Variants in HERC3 observed in about 807,000 individuals in gnomAD.
The protein encoded by HERC3 is probable E3 ubiquitin-protein ligase HERC3.
HERC3 carries 58 observed loss-of-function variants against 129.9 expected under a neutral mutation model. That is an observed-to-expected ratio of 0.45 (90% CI 0.36 to 0.56). The LOEUF is 0.56. HERC3 is among the 20% of genes least tolerant of loss of function. The probability of loss-of-function intolerance (pLI) is 0.00; values close to 1 mark genes in which losing one functional copy is unlikely to be tolerated. For missense variants in HERC3, 835 were observed against 1,244.2 expected (o/e 0.67, Z 4.95); for synonymous variants, 430 against 451.0 (o/e 0.95, Z 0.59).
intron 23 of HERC3, chr4:88,693,206 A>C (rs1483195208): frequency 2.0e-6 from 2 of 979,856 alleles, no homozygotes; most frequent in African/African-American, 1.8e-5. Context: ...CTTCCCCCCC[A>C]CCACCATTTT....
At chr4:88,581,410 G>T in the HERC3 span, among the ~76,000 whole-genome samples, 5,047 of 151,618 alleles carry the variant, frequency 0.033, 277 homozygotes, top group East Asian at 0.27. Context: ...TGATTCTCCT[G>T]CCTCAGCCTC....
At chr4:88,611,238 G>A (rs1395962859) in intron 3 of HERC3, among the ~76,000 whole-genome samples, 1 of 152,170 alleles carries the variant, frequency 6.6e-6, no homozygotes, top group Admixed American at 6.5e-5. Flanking sequence ...TAACTTTTTC[G>A]TTGGTAGGTG....
intron 2 of HERC3, among the ~76,000 whole-genome samples, chr4:88,595,841 CTTTTTTTTTTTTT>C (rs532515500): frequency 0.015 from 1,222 of 80,334 alleles, 30 homozygotes; most frequent in African/African-American, 0.055. Context: ...GCACTTAATT[CTTTTTTTTTTTTT>C]TTTTTTTTTT....
chr4:88,604,309 A>G (rs746075305), intron 2 of HERC3, among the ~76,000 whole-genome samples: 7 of 152,212 alleles, frequency 4.6e-5, no homozygotes, highest in Non-Finnish European at 1.0e-4. Flanking sequence ...ATGAGCCACT[A>G]CGCCTGGCCT....
chr4:88,670,714 T>A (rs531711752), intron 16 of HERC3, among the ~76,000 whole-genome samples: 9 of 152,266 alleles, frequency 5.9e-5, no homozygotes, highest in African/African-American at 2.2e-4. Context: ...TGTTAGGTTT[T>A]TTTTTAAACC....
the HERC3 span, among the ~76,000 whole-genome samples, chr4:88,572,673 G>A: frequency 1.3e-5 from 2 of 151,870 alleles, no homozygotes. Context: ...GCCAGGTGTG[G>A]TGGCATGCAC....
chr4:88,664,054 T>C, intron 11 of HERC3, 99 bp from the exon 12 acceptor site: 1 of 960,452 alleles, frequency 1.0e-6, no homozygotes, highest in Non-Finnish European at 1.5e-6. Context: ...CTGCTATTAA[T>C]GAAATCCTTG....
At chr4:88,700,509 A>G (rs1456617488) in intron 23 of HERC3, among the ~76,000 whole-genome samples, 3 of 152,150 alleles carry the variant, frequency 2.0e-5, no homozygotes, top group Non-Finnish European at 2.9e-5. Flanking sequence ...ATTTCTACCA[A>G]TAGTCCCTTA....
At chr4:88,695,250 A>G (rs1734484128) in intron 23 of HERC3, among the ~76,000 whole-genome samples, 1 of 152,184 alleles carries the variant, frequency 6.6e-6, no homozygotes, top group South Asian at 2.1e-4. Context: ...GTACTCAACA[A>G]TCTGTTGTGA....
the HERC3 span, among the ~76,000 whole-genome samples, chr4:88,529,160 A>G: frequency 6.6e-6 from 1 of 152,216 alleles, no homozygotes; most frequent in African/African-American, 2.4e-5. Context: ...GAACATCGGC[A>G]TAGGGGCAAA....
intron 23 of HERC3, chr4:88,692,870 C>T: frequency 1.1e-5 from 11 of 984,986 alleles, no homozygotes; most frequent in Non-Finnish European, 1.3e-5. Flanking sequence ...AAGGCTGGGG[C>T]TCAAGAGTTC....
At chr4:88,697,723 T>C in intron 23 of HERC3, 2 of 1,611,282 alleles carry the variant, frequency 1.2e-6, no homozygotes, top group Non-Finnish European at 1.7e-6. Flanking sequence ...CTGGCTAGGC[T>C]CCGCAGGCCC....
At chr4:88,558,158 C>A in the HERC3 span, among the ~76,000 whole-genome samples, 1 of 151,036 alleles carries the variant, frequency 6.6e-6, no homozygotes, top group South Asian at 2.1e-4. Context: ...AGGTATCTAC[C>A]CAAAAGAAAA....
intron 3 of HERC3, among the ~76,000 whole-genome samples, chr4:88,624,169 C>T (rs547944051): frequency 2.0e-5 from 3 of 152,308 alleles, no homozygotes; most frequent in Middle Eastern, 3.4e-3. Flanking sequence ...GTCACCAGTT[C>T]ATGGACATTT....
At chr4:88,565,348 T>C in the HERC3 span, among the ~76,000 whole-genome samples, 1 of 152,308 alleles carries the variant, frequency 6.6e-6, no homozygotes, top group Non-Finnish European at 1.5e-5. Flanking sequence ...AGTCTCTGGC[T>C]ATTATTGTAT....
At chr4:88,622,338 A>G (rs1035487961) in intron 3 of HERC3, among the ~76,000 whole-genome samples, 7 of 152,258 alleles carry the variant, frequency 4.6e-5, no homozygotes, top group African/African-American at 1.7e-4. Flanking sequence ...TTCCCAAATA[A>G]TATCCCATTG....
intron 3 of HERC3, among the ~76,000 whole-genome samples, chr4:88,630,138 A>G (rs760181268): frequency 1.3e-5 from 2 of 152,162 alleles, no homozygotes; most frequent in African/African-American, 4.8e-5. Flanking sequence ...GCACAGATTA[A>G]TTTATTTTCT....
At chr4:88,572,314 G>A in the HERC3 span, among the ~76,000 whole-genome samples, 3 of 152,020 alleles carry the variant, frequency 2.0e-5, no homozygotes, top group African/African-American at 7.3e-5. Context: ...TGTAGTCCCA[G>A]CTACTTGGGC....
intron 5 of HERC3, among the ~76,000 whole-genome samples, 193 bp from the exon 6 acceptor site, chr4:88,652,676 C>T (rs947337156): frequency 6.6e-6 from 1 of 152,184 alleles, no homozygotes; most frequent in Non-Finnish European, 1.5e-5. Context: ...CAGTAAGACT[C>T]AGCTTACCTC....
Sources: gnomAD v4.1 joint callset for allele counts (sites outside exome capture counted in the v4.1 genomes callset) on GRCh38, gnomAD v4.1.1 for gene constraint, MANE v1.5 for transcripts, NCBI Gene and HGNC (gene_info 2026-07-23, HGNC 2026-07-21) for gene names.